The following ITGA8 variants were observed in gnomAD, a reference collection of about 807,000 sequenced individuals.
ITGA8 encodes integrin alpha-8.
A neutral mutation model predicts 142.3 loss-of-function variants in ITGA8; 91 were observed. That is an observed-to-expected ratio of 0.64 (90% CI 0.54 to 0.76). The LOEUF (loss-of-function observed/expected upper bound fraction) is 0.76, where lower values mean the gene tolerates loss of function less well. Ranked by LOEUF, ITGA8 falls within the 30% of genes least tolerant of loss-of-function variation. The probability of loss-of-function intolerance (pLI) is 0.00; values close to 1 mark genes in which losing one functional copy is unlikely to be tolerated. For synonymous variants in ITGA8, 505 were observed against 485.2 expected (o/e 1.04, Z -0.54); for missense variants, 1,406 against 1,327.7 (o/e 1.06, Z -0.92).
At chr10:15,521,798 C>T (rs950020385) in intron 28 of ITGA8, among the ~76,000 whole-genome samples, 4 of 152,146 alleles carry the variant, frequency 2.6e-5, no homozygotes, top group East Asian at 1.9e-4. Flanking sequence ...AAGGACCCAC[C>T]GTGGTTGCAA....
At chr10:15,716,116 T>A (rs1403751292) in intron 2 of ITGA8, among the ~76,000 whole-genome samples, 1 of 152,272 alleles carries the variant, frequency 6.6e-6, no homozygotes, top group East Asian at 1.9e-4. Context: ...CATTCTGTCA[T>A]GGACCATTCA....
intron 12 of ITGA8, among the ~76,000 whole-genome samples, 200 bp downstream of exon 12, chr10:15,646,646 G>A (rs903317250): frequency 3.7e-4 from 57 of 152,178 alleles, no homozygotes; most frequent in African/African-American, 1.3e-3. Flanking sequence ...AGAAAGGTGA[G>A]AAGGGAAATT....
intron 4 of ITGA8, among the ~76,000 whole-genome samples, chr10:15,682,213 C>T (rs1323674180): frequency 6.6e-6 from 1 of 152,188 alleles, no homozygotes; most frequent in Non-Finnish European, 1.5e-5. Context: ...CCTGACATTG[C>T]ATCATAAACA....
At chr10:15,716,708 T>C (rs1588749371) in intron 2 of ITGA8, among the ~76,000 whole-genome samples, 1 of 150,226 alleles carries the variant, frequency 6.7e-6, no homozygotes, top group African/African-American at 2.5e-5. Context: ...TTCACTCTTG[T>C]TGCCCAGGCT....
intron 8 of ITGA8, among the ~76,000 whole-genome samples, chr10:15,664,513 T>C (rs1022238408): frequency 3.6e-4 from 39 of 107,232 alleles, no homozygotes; most frequent in Admixed American, 1.1e-3. Context: ...CTTTTTTTTT[T>C]CCACATTTTA....
At position 15,678,696 on chromosome 10, in the gene ITGA8, G is replaced by A. The variant is rs769205965; in HGVS notation, c.630+26C>T. 5 of 1,540,122 alleles carry A rather than the reference G, an allele frequency of 3.2e-6. No homozygotes were observed. In the African/African-American group the frequency reaches 6.8e-5, roughly 21 times the overall value. On this transcript the variant is annotated intron_variant, in intron 5 of 29. Transcript: ENST00000378076. Reference sequence around the variant, plus strand: ...TAAAAAAAAATCAGATTAAATATTAGGAACTGCGAGACCAAAATAATTCAC... The same window carrying A: ...TAAAAAAAAATCAGATTAAATATTAAGAACTGCGAGACCAAAATAATTCAC...
chr10:15,527,825 G>A (rs1374477364), intron 28 of ITGA8, among the ~76,000 whole-genome samples: 2 of 151,636 alleles, frequency 1.3e-5, no homozygotes, highest in East Asian at 3.9e-4. Flanking sequence ...TTTCCTCAGG[G>A]GCAGATTAGA....
intron 8 of ITGA8, among the ~76,000 whole-genome samples, chr10:15,667,800 T>C (rs1452754210): frequency 6.6e-6 from 1 of 152,130 alleles, no homozygotes; most frequent in Non-Finnish European, 1.5e-5. Context: ...CAGGAGCAGG[T>C]TGTTCAGTTT....
At chr10:15,687,696 T>C (rs1834856784) in intron 3 of ITGA8, among the ~76,000 whole-genome samples, 1 of 152,244 alleles carries the variant, frequency 6.6e-6, no homozygotes, top group African/African-American at 2.4e-5. Flanking sequence ...CTTAGTTGTT[T>C]TTGAAATATT....
intron 26 of ITGA8, among the ~76,000 whole-genome samples, chr10:15,549,096 A>G (rs766804920): frequency 6.6e-6 from 1 of 152,044 alleles, no homozygotes; most frequent in Non-Finnish European, 1.5e-5. Context: ...CCCAGCGTAT[A>G]ATGAATAACC....
chr10:15,597,080 A>G (rs1833022476), intron 21 of ITGA8, 127 bp downstream of exon 21: 2 of 722,674 alleles, frequency 2.8e-6, no homozygotes, highest in Admixed American at 4.2e-5. Context: ...TACTCTGGCA[A>G]TTTCCTGCCT....
intron 13 of ITGA8, among the ~76,000 whole-genome samples, chr10:15,619,984 T>G (rs745326359): frequency 1.3e-5 from 2 of 152,248 alleles, no homozygotes; most frequent in Non-Finnish European, 2.9e-5. Flanking sequence ...TAAGAATTGA[T>G]TCTCTGGAAA....
chr10:15,517,410 C>T (rs1036682168), intron 29 of ITGA8, among the ~76,000 whole-genome samples, 166 bp from the exon 30 acceptor site: 4 of 152,030 alleles, frequency 2.6e-5, no homozygotes, highest in Non-Finnish European at 5.9e-5. Flanking sequence ...CTGCAACCTC[C>T]GCCTCCCGGT....
At chr10:15,712,794 A>T (rs1455856701) in intron 2 of ITGA8, among the ~76,000 whole-genome samples, 1 of 152,180 alleles carries the variant, frequency 6.6e-6, no homozygotes, top group Non-Finnish European at 1.5e-5. Flanking sequence ...GTCAGCTTAA[A>T]TGTAAAAGTG....
At chr10:15,587,375 C>T (rs4750682) in intron 22 of ITGA8, among the ~76,000 whole-genome samples, 1,918 of 152,234 alleles carry the variant, frequency 0.013, 25 homozygotes, top group Non-Finnish European at 0.015. Flanking sequence ...TCCTGATTTT[C>T]CTTGCTAATA....
At chr10:15,518,477 CA>C (rs1193979710) in intron 29 of ITGA8, among the ~76,000 whole-genome samples, 1 of 152,186 alleles carries the variant, frequency 6.6e-6, no homozygotes, top group Non-Finnish European at 1.5e-5. Flanking sequence ...AACTCAAAGC[CA>C]AGGTTTTCTC....
intron 3 of ITGA8, among the ~76,000 whole-genome samples, chr10:15,687,285 AG>A (rs1834848922): frequency 6.6e-6 from 1 of 152,070 alleles, no homozygotes; most frequent in Non-Finnish European, 1.5e-5. Context: ...AGGAAATTAA[AG>A]CCAATAGGTT....
At chr10:15,538,383 G>T (rs912716873) in intron 27 of ITGA8, among the ~76,000 whole-genome samples, 1 of 151,882 alleles carries the variant, frequency 6.6e-6, no homozygotes, top group African/African-American at 2.4e-5. Context: ...ATGATGGCGG[G>T]TGCCTGTAAT....
At chr10:15,626,700 C>T (rs1833589064) in intron 13 of ITGA8, among the ~76,000 whole-genome samples, 1 of 151,948 alleles carries the variant, frequency 6.6e-6, no homozygotes, top group Non-Finnish European at 1.5e-5. Flanking sequence ...CTGGGTGGGC[C>T]CTAATCCAAT....
Sources: gnomAD v4.1 joint callset for allele counts (sites outside exome capture counted in the v4.1 genomes callset) on GRCh38, gnomAD v4.1.1 for gene constraint, MANE v1.5 for transcripts, NCBI Gene and HGNC (gene_info 2026-07-23, HGNC 2026-07-21) for gene names.